The following CLASP1 variants were observed in gnomAD, a reference collection of about 807,000 sequenced individuals.
CLASP1 encodes the protein cytoplasmic linker associated protein 1.
A neutral mutation model predicts 192.3 loss-of-function variants in CLASP1; 38 were observed. That is an observed-to-expected ratio of 0.20 (90% CI 0.15 to 0.26). The LOEUF is 0.26. CLASP1 is among the 10% of genes least tolerant of loss of function. The pLI, the probability that CLASP1 is intolerant of heterozygous loss-of-function variation, is 1.00. For synonymous variants in CLASP1, 691 were observed against 712.8 expected (o/e 0.97, Z 0.49); for missense variants, 1,433 against 1,932.5 (o/e 0.74, Z 4.85).
At chr2:121,620,269 T>C (rs1382178550) in intron 1 of CLASP1, among the ~76,000 whole-genome samples, 1 of 151,816 alleles carries the variant, frequency 6.6e-6, no homozygotes, top group African/African-American at 2.4e-5. Flanking sequence ...CAGTGGCACA[T>C]GTCTGATTAG....
At chr2:121,357,880 G>C (rs371567107) in intron 37 of CLASP1, among the ~76,000 whole-genome samples, 1 of 152,304 alleles carries the variant, frequency 6.6e-6, no homozygotes, top group African/African-American at 2.4e-5. Context: ...TTGGCTCCTA[G>C]CTAAAGTTCT....
chr2:121,435,999 T>C (rs1202421149), intron 19 of CLASP1, among the ~76,000 whole-genome samples: 1 of 152,100 alleles, frequency 6.6e-6, no homozygotes, highest in African/African-American at 2.4e-5. Context: ...CTTTTTCTAG[T>C]GGCTTCTGTG....
At chr2:121,448,865 A>G in intron 17 of CLASP1, 88 bp downstream of exon 17, 1 of 1,361,882 alleles carries the variant, frequency 7.3e-7, no homozygotes, top group Non-Finnish European at 1.0e-6. Context: ...GCACCCATGT[A>G]AAAACATAGC....
intron 23 of CLASP1, among the ~76,000 whole-genome samples, chr2:121,415,625 G>A (rs762963364): frequency 1.3e-5 from 2 of 152,034 alleles, no homozygotes; most frequent in Admixed American, 6.5e-5. Context: ...ACGGCTTTTC[G>A]TTAACCTCAG....
intron 2 of CLASP1, among the ~76,000 whole-genome samples, chr2:121,544,726 A>G (rs2095296921): frequency 6.6e-6 from 1 of 151,702 alleles, no homozygotes; most frequent in African/African-American, 2.4e-5. Flanking sequence ...CATTCCATAC[A>G]AAAAGAACTG....
chr2:121,497,649 A>G (rs1436653432), intron 8 of CLASP1, among the ~76,000 whole-genome samples: 1 of 152,238 alleles, frequency 6.6e-6, no homozygotes, highest in African/African-American at 2.4e-5. Flanking sequence ...ACATTAGATA[A>G]AGGAAGCCAA....
At chr2:121,449,283 C>T (rs561124655) in intron 16 of CLASP1, among the ~76,000 whole-genome samples, 163 bp from the exon 17 acceptor site, 1 of 152,268 alleles carries the variant, frequency 6.6e-6, no homozygotes, top group East Asian at 1.9e-4. Context: ...GGTACGAATC[C>T]TGGCCTCACA....
intron 2 of CLASP1, among the ~76,000 whole-genome samples, chr2:121,567,196 A>G (rs1188441687): frequency 6.6e-6 from 1 of 152,230 alleles, no homozygotes; most frequent in African/African-American, 2.4e-5. Context: ...TACTTTCATT[A>G]TCCTCAGCTT....
rs565105034 is a variant in CLASP1, at chr2:121,534,675, C to T, written c.196-4350G>A. On this transcript the variant is annotated intron_variant, in intron 2 of 39. Transcript: ENST00000263710. ...GCTTCAGCCTCCCAAGTAGCTGGGA[C>T]GTGTTATCAGCCCAGCTAATTTTTG... Among the ~76,000 whole-genome samples the T allele has an allele frequency of 3.1e-3, 469 of 151,930 alleles. 1 individual carries two copies. Among genetic ancestry groups the T allele is most frequent in the Non-Finnish European group, 5.1e-3 (344 of 67,986 alleles).
At chr2:121,347,894 C>A (rs2063660328) in intron 38 of CLASP1, among the ~76,000 whole-genome samples, 1 of 152,174 alleles carries the variant, frequency 6.6e-6, no homozygotes, top group Non-Finnish European at 1.5e-5. Context: ...AGTGAAACTC[C>A]CTCGCCAAGG....
intron 2 of CLASP1, among the ~76,000 whole-genome samples, chr2:121,601,074 T>C (rs913732542): frequency 2.0e-5 from 3 of 152,288 alleles, no homozygotes; most frequent in South Asian, 2.1e-4. Flanking sequence ...CTGGATTTAT[T>C]TGAGACACTA....
At chr2:121,364,784 C>A in intron 36 of CLASP1, 1 of 333,902 alleles carries the variant, frequency 3.0e-6, no homozygotes, top group Non-Finnish European at 5.6e-6. Context: ...TCCTAAAAGA[C>A]CACATTCTAT....
intron 2 of CLASP1, among the ~76,000 whole-genome samples, chr2:121,598,635 A>T (rs1011340632): frequency 1.3e-5 from 2 of 152,176 alleles, no homozygotes; most frequent in African/African-American, 4.8e-5. Context: ...TTGCCTCATT[A>T]TTTCTAAGCC....
chr2:121,648,317 G>C (rs1024408066), intron 1 of CLASP1, among the ~76,000 whole-genome samples: 1 of 152,112 alleles, frequency 6.6e-6, no homozygotes, highest in Admixed American at 6.6e-5. Flanking sequence ...TCTGCATCAC[G>C]GTCTCCCAAA....
At chr2:121,462,501 T>C (rs1449123317) in intron 10 of CLASP1, 31 bp downstream of exon 10, 4 of 1,262,136 alleles carry the variant, frequency 3.2e-6, no homozygotes, top group Admixed American at 1.9e-5. Flanking sequence ...TTGACCCTTG[T>C]TTGTAATCAT....
At chr2:121,367,717 G>A (rs1261585579) in exon 35 of CLASP1, 2 of 1,614,028 alleles carry the variant, frequency 1.2e-6, no homozygotes, top group South Asian at 1.1e-5. Context: ...AAGGCGCGCG[G>A]AGGCTGGGTG....
At chr2:121,372,555 C>T (rs1426602711) in intron 34 of CLASP1, among the ~76,000 whole-genome samples, 6 of 152,142 alleles carry the variant, frequency 3.9e-5, no homozygotes, top group Non-Finnish European at 7.3e-5. Context: ...AAAGAGAATT[C>T]GTTATATTTC....
intron 13 of CLASP1, 35 bp downstream of exon 13, chr2:121,458,805 T>G: frequency 2.0e-6 from 3 of 1,493,096 alleles, no homozygotes; most frequent in Non-Finnish European, 2.7e-6. Flanking sequence ...TATTTACCAC[T>G]TGCTTATTTC....
chr2:121,589,568 T>A (rs754931566), intron 2 of CLASP1, among the ~76,000 whole-genome samples: 58 of 148,842 alleles, frequency 3.9e-4, no homozygotes, highest in Non-Finnish European at 4.4e-4. Context: ...AGGCAGAGGT[T>A]GCGGTGAGCC....
Sources: gnomAD v4.1 joint callset for allele counts (sites outside exome capture counted in the v4.1 genomes callset) on GRCh38, gnomAD v4.1.1 for gene constraint, MANE v1.5 for transcripts, NCBI Gene and HGNC (gene_info 2026-07-23, HGNC 2026-07-21) for gene names.